Variants in UBR1 observed in about 807,000 individuals in gnomAD.
UBR1 encodes the protein E3 ubiquitin-protein ligase UBR1.
Under a neutral mutation model 242.1 loss-of-function variants are expected in UBR1, and 102 were observed. The observed-to-expected ratio is 0.42, with a 90% CI of 0.36 to 0.50. UBR1 has a LOEUF of 0.50. UBR1 is among the 20% of genes least tolerant of loss of function. The pLI, the probability that UBR1 is intolerant of heterozygous loss-of-function variation, is 0.01. For missense variants in UBR1, 1,772 were observed against 2,101.8 expected, an observed-to-expected ratio of 0.84 and a Z score of 3.07; for synonymous variants, 675 against 684.8, an observed-to-expected ratio of 0.99 and a Z score of 0.22.
chr15:43,055,109 C>T (rs1329315204), intron 11 of UBR1, among the ~76,000 whole-genome samples: 1 of 152,212 alleles, frequency 6.6e-6, no homozygotes, highest in African/African-American at 2.4e-5. Context: ...CTAGACAACA[C>T]CTATCTGGAT....
In UBR1 at chr15:43,060,102, C is replaced by T. The variant is rs1567139817; in HGVS notation, c.811G>A (p.Val271Ile). 1 of 1,614,138 alleles carries T rather than the reference C, an allele frequency of 6.2e-7. No homozygotes were observed. The highest frequency in any genetic ancestry group is 1.7e-5 in the Admixed American group (1 of 60,018). The stretch of plus-strand genomic sequence containing the variant: ...CAAGCAGCATAAGCTCCCGCTTTAA[C>T]AGCCCGACGACCCTAATTATAGACA... ...TAIDKEGRRA[V>I]KAGAYAACQE... The change falls in exon 7 of 47, where the codon GTT becomes ATT. Residue 271 changes from valine (V) to isoleucine (I), a missense_variant. Around this residue, in one of 3 missense-constraint regions of UBR1, gnomAD observed 734 missense variants for 893.3 expected, o/e 0.82. Coordinates refer to ENST00000290650, the MANE Select transcript of UBR1 (RefSeq NM_174916.3).
At position 43,009,598 on chromosome 15, in the gene UBR1, C is replaced by T. The variant is rs562774481; in HGVS notation, c.3210-2314G>A. 2.4e-4 allele frequency among the ~76,000 whole-genome samples: 37 copies of T among 152,318 alleles called. 1 individual carries two copies. Among genetic ancestry groups the T allele is most frequent in the Admixed American group, 2.0e-3 (30 of 15,306 alleles). On this transcript the variant is annotated intron_variant, in intron 29 of 46. Coordinates refer to ENST00000290650, the MANE Select transcript of UBR1 (RefSeq NM_174916.3). ...GAGGTTTCTGGCTGGAAAAGCAACA[C>T]CCTAAGGATCCTGTGATACTTCCAC...
chr15:43,071,027 A>T (rs2033818226), intron 4 of UBR1, 102 bp from the exon 5 acceptor site: 1 of 1,446,630 alleles, frequency 6.9e-7, no homozygotes, highest in Middle Eastern at 2.0e-4. Flanking sequence ...TGAATTCATT[A>T]CAACATCGTC....
At chr15:43,070,255 A>C (rs2033808398) in intron 5 of UBR1, among the ~76,000 whole-genome samples, 1 of 149,934 alleles carries the variant, frequency 6.7e-6, no homozygotes, top group African/African-American at 2.4e-5. Context: ...AGCTAAAAAA[A>C]AAAAAAAAAA....
chr15:42,988,765 G>T, intron 35 of UBR1, 54 bp downstream of exon 35: 1 of 1,606,918 alleles, frequency 6.2e-7, no homozygotes, highest in South Asian at 1.1e-5. Context: ...AAGAATGAAT[G>T]ATCAAAGTTA....
intron 3 of UBR1, among the ~76,000 whole-genome samples, chr15:43,080,893 G>C (rs1354995115): frequency 6.6e-6 from 1 of 152,146 alleles, no homozygotes; most frequent in African/African-American, 2.4e-5. Context: ...GGAGGTTACA[G>C]TGAACCAAGA....
chr15:42,996,226 T>C (rs1472262701), intron 33 of UBR1, among the ~76,000 whole-genome samples: 2 of 152,208 alleles, frequency 1.3e-5, no homozygotes, highest in Admixed American at 6.5e-5. Context: ...CTGTTAATGC[T>C]ATTTCCTCTT....
intron 1 of UBR1, among the ~76,000 whole-genome samples, chr15:43,087,497 A>G (rs146824847): frequency 6.6e-6 from 1 of 152,320 alleles, no homozygotes; most frequent in African/African-American, 2.4e-5. Flanking sequence ...TTGATTACAT[A>G]TAAGGCTTTT....
At chr15:42,989,926 C>G in intron 34 of UBR1, 104 bp downstream of exon 34, 1 of 851,358 alleles carries the variant, frequency 1.2e-6, no homozygotes. Context: ...ATGGGATAAA[C>G]TATTTTACAA....
chr15:43,041,441 C>T (rs911053281), intron 15 of UBR1, among the ~76,000 whole-genome samples: 15 of 151,806 alleles, frequency 9.9e-5, no homozygotes, highest in East Asian at 3.9e-4. Flanking sequence ...CGGGGCCTGT[C>T]GTGGGGTTGG....
chr15:43,094,704 C>T (rs2034139736), intron 1 of UBR1, among the ~76,000 whole-genome samples: 1 of 152,096 alleles, frequency 6.6e-6, no homozygotes, highest in South Asian at 2.1e-4. Context: ...TTACTTTCAT[C>T]ACAATTAAGT....
intron 37 of UBR1, among the ~76,000 whole-genome samples, chr15:42,978,254 A>C (rs2032320437): frequency 6.6e-6 from 1 of 152,238 alleles, no homozygotes; most frequent in Non-Finnish European, 1.5e-5. Flanking sequence ...GAGAAGAGTT[A>C]CTTTTATACA....
intron 42 of UBR1, among the ~76,000 whole-genome samples, chr15:42,961,610 T>A (rs79952381): frequency 6.6e-6 from 1 of 151,756 alleles, no homozygotes; most frequent in Non-Finnish European, 1.5e-5. Context: ...TCTTTTTTTT[T>A]AGTAGAGATG....
rs2033159487 is a variant in UBR1 at position 43,024,908 on chromosome 15, A to G, written c.2660T>C (p.Met887Thr). 6.2e-7 allele frequency: 1 copy of G among 1,614,202 alleles called. No homozygotes were observed. Among genetic ancestry groups the G allele is most frequent in the Non-Finnish European group, 8.5e-7 (1 of 1,180,036 alleles). Residue 887 changes from methionine to threonine, a missense_variant, in exon 25 of 47, where the codon ATG (methionine) becomes ACG (threonine). Physicochemically the swap from Met to Thr is moderately conservative, Grantham distance 81 (BLOSUM62 -1). Around this residue, in one of 3 missense-constraint regions of UBR1, gnomAD observed 965 missense variants for 1,079.7 expected, o/e 0.89. Coordinates refer to ENST00000290650, the MANE Select transcript of UBR1 (RefSeq NM_174916.3). ...AAATACGGTCCTGAGAATGTACATC[A>G]TGATATCACAGTTGAGAAGGTTAAT... is the stretch of plus-strand genomic sequence containing the variant. ...KVINLLNCDI[M>T]MYILRTVFER...
At chr15:43,009,989 G>A (rs553915665) in intron 29 of UBR1, among the ~76,000 whole-genome samples, 209 of 152,106 alleles carry the variant, frequency 1.4e-3, no homozygotes, top group African/African-American at 4.8e-3. Flanking sequence ...TCCTTGCCTC[G>A]GCCTCTGAAG....
At position 42,944,895 on chromosome 15, in the gene UBR1, G is replaced by A. The variant is rs528032601; in HGVS notation, c.*434C>T. On this transcript the variant is annotated 3_prime_UTR_variant, in exon 47 of 47. Coordinates refer to ENST00000290650, the MANE Select transcript of UBR1 (RefSeq NM_174916.3). ...TGGTTTCTGCAATTCTTCTTTAACT[G>A]CAAGGAAGACTATCACAGATTATTA... 9.0e-5 allele frequency: 18 copies of A among 200,636 alleles called. No homozygotes were observed. Among genetic ancestry groups the A allele is most frequent in the Non-Finnish European group, 1.6e-4 (16 of 97,322 alleles). The allele number at this position is 200,636 out of a possible 1,614,324, so 12.4% of individuals were successfully genotyped here.
rs749683629 is a variant in UBR1, at chr15:43,032,634, A to G, written c.2191-3T>C. 2.9e-5 allele frequency: 43 copies of G among 1,499,202 alleles called. No homozygotes were observed. Among genetic ancestry groups the G allele is most frequent in the Non-Finnish European group, 3.9e-5 (42 of 1,085,630 alleles). 92.9% of individuals were successfully genotyped at this position (1,499,202 alleles called of 1,614,324 possible). ...GTATTATATTGTTTAATCAAATCCT[A>G]TAGAATCGAAAAAGAGTAAATTAGT... On this transcript the variant is annotated splice_region_variant and splice_polypyrimidine_tract_variant and intron_variant, in intron 19 of 46. Transcript: ENST00000290650.
At chr15:43,027,738 ACTAC>A (rs765965794) in intron 22 of UBR1, 34 bp downstream of exon 22, 1 of 1,586,100 alleles carries the variant, frequency 6.3e-7, no homozygotes, top group Admixed American at 1.7e-5. Flanking sequence ...CAAAGATCAA[ACTAC>A]CTTTTAGAAT....
intron 2 of UBR1, among the ~76,000 whole-genome samples, chr15:43,084,405 A>G (rs2034008687): frequency 6.6e-6 from 1 of 152,238 alleles, no homozygotes; most frequent in Admixed American, 6.5e-5. Flanking sequence ...GTAAGAATAT[A>G]AATGACCCTT....
Sources: gnomAD v4.1 joint callset for allele counts (sites outside exome capture counted in the v4.1 genomes callset) on GRCh38, gnomAD v4.1.1 for gene constraint, gnomAD v4.1.1 regional missense constraint, MANE v1.5 for transcripts, NCBI Gene and HGNC (gene_info 2026-07-23, HGNC 2026-07-21) for gene names.